Variants in VPS13A observed in about 807,000 individuals in gnomAD.
VPS13A encodes intermembrane lipid transfer protein VPS13A.
A neutral mutation model predicts 390.9 loss-of-function variants in VPS13A; 264 were observed. That is an observed-to-expected ratio of 0.68 (90% confidence interval 0.61 to 0.75). The LOEUF (loss-of-function observed/expected upper bound fraction) is 0.75, where lower values mean the gene tolerates loss of function less well. Ranked by LOEUF, VPS13A falls within the 30% of genes least tolerant of loss-of-function variation. The probability of loss-of-function intolerance (pLI) is 0.00; values close to 1 mark genes in which losing one functional copy is unlikely to be tolerated. For synonymous variants in VPS13A, 1,231 were observed against 1,227.1 expected, an observed-to-expected ratio of 1.00 and a Z score of -0.07; for missense variants, 3,409 against 3,733.9, an observed-to-expected ratio of 0.91 and a Z score of 2.27.
rs199759297 is a variant in VPS13A, at chr9:77,177,670, C to G, written c.-35C>G. 146 of 1,591,746 alleles carry G rather than the reference C, an allele frequency of 9.2e-5. No individual in the cohort carries two copies. In the African/African-American group the frequency reaches 1.4e-3, roughly 16 times the overall value. ...GGAAGGCGGCGGGAGGAGGAGCGCA[C>G]GGGCCGGCTGCCGTGCCCACCACGG... On this transcript the variant is annotated 5_prime_UTR_variant, in exon 1 of 72. Coordinates refer to ENST00000360280, the MANE Select transcript of VPS13A (RefSeq NM_033305.3).
At chr9:77,392,073 C>A (rs900540297) in intron 68 of VPS13A, among the ~76,000 whole-genome samples, 1 of 152,070 alleles carries the variant, frequency 6.6e-6, no homozygotes, top group Non-Finnish European at 1.5e-5. Flanking sequence ...CCTGTAATGT[C>A]GGATCTTCAC....
chr9:77,215,855 G>T (rs1822832244), intron 10 of VPS13A, among the ~76,000 whole-genome samples: 1 of 152,236 alleles, frequency 6.6e-6, no homozygotes, highest in African/African-American at 2.4e-5. Context: ...CTTTTAGGGA[G>T]CCTCATGGAG....
chr9:77,360,480 G>A (rs1052321069), intron 58 of VPS13A, 56 bp from the exon 59 acceptor site: 11 of 1,282,218 alleles, frequency 8.6e-6, no homozygotes, highest in Non-Finnish European at 1.2e-5. Context: ...TCTAATTTTT[G>A]TAATACAGTT....
intron 71 of VPS13A, among the ~76,000 whole-genome samples, chr9:77,412,356 G>A (rs1329239279): frequency 6.6e-6 from 1 of 152,118 alleles, no homozygotes; most frequent in Admixed American, 6.5e-5. Flanking sequence ...TAAATTACTG[G>A]CAAACCGAAT....
chr9:77,381,928 A>T (rs1396825995), intron 67 of VPS13A, 48 bp from the exon 68 acceptor site: 2 of 1,253,414 alleles, frequency 1.6e-6, no homozygotes, highest in South Asian at 2.7e-5. Context: ...GTTTATTTAC[A>T]AGTTTTTGAA....
At position 77,419,768 on chromosome 9, in the gene VPS13A, G is replaced by C. The variant is rs1229082792; in HGVS notation, c.*3762G>C. 6.6e-6 allele frequency: 1 copy of C among 152,070 alleles called. No individual in the cohort carries two copies. Among genetic ancestry groups the C allele is most frequent in the Non-Finnish European group, 1.5e-5 (1 of 68,022 alleles). The allele number at this position is 152,070 out of a possible 1,614,324, so 9.4% of individuals were successfully genotyped here. ...TAAGCATTTTACTATAATAGAACTG[G>C]GGACATACATTGTCCTTTTGAGTCC... On this transcript the variant is annotated 3_prime_UTR_variant, in exon 72 of 72. Transcript: ENST00000360280.
chr9:77,400,873 TTTATAG>T, intron 68 of VPS13A, among the ~76,000 whole-genome samples: 2 of 152,100 alleles, frequency 1.3e-5, no homozygotes, highest in South Asian at 4.2e-4. Flanking sequence ...TTATAGTACT[TTTATAG>T]TTATTTTCTA....
At chr9:77,394,808 T>G (rs1834057238) in intron 68 of VPS13A, among the ~76,000 whole-genome samples, 1 of 152,148 alleles carries the variant, frequency 6.6e-6, no homozygotes, top group Non-Finnish European at 1.5e-5. Context: ...GCTATGGAGG[T>G]GAATTCTTTC....
chr9:77,223,186 A>G (rs1823319886), intron 13 of VPS13A, among the ~76,000 whole-genome samples: 1 of 152,168 alleles, frequency 6.6e-6, no homozygotes, highest in Non-Finnish European at 1.5e-5. Context: ...AGCAAACTTA[A>G]TAAATGTTGT....
At chr9:77,360,508 A>T (rs763656195) in intron 58 of VPS13A, 28 bp from the exon 59 acceptor site, 19 of 1,532,468 alleles carry the variant, frequency 1.2e-5, no homozygotes, top group Admixed American at 1.0e-4. Context: ...GATGATTTTT[A>T]AAAAATGTTT....
chr9:77,197,181 CCT>C (rs1248481063), intron 1 of VPS13A, among the ~76,000 whole-genome samples: 2 of 152,238 alleles, frequency 1.3e-5, no homozygotes, highest in African/African-American at 4.8e-5. Context: ...TGTTTTATGA[CCT>C]CACATATATC....
At chr9:77,270,330 A>C (rs1587463197) in intron 23 of VPS13A, among the ~76,000 whole-genome samples, 1 of 152,346 alleles carries the variant, frequency 6.6e-6, no homozygotes, top group African/African-American at 2.4e-5. Context: ...TTGACATTGA[A>C]GGGAATGTGG....
intron 46 of VPS13A, among the ~76,000 whole-genome samples, chr9:77,334,464 A>G (rs1174009553): frequency 2.0e-5 from 3 of 151,992 alleles, no homozygotes; most frequent in Non-Finnish European, 4.4e-5. Flanking sequence ...TTGACGTTTT[A>G]TATTTCTCTT....
At chr9:77,199,920 G>C in intron 1 of VPS13A, 25 bp from the exon 2 acceptor site, 1 of 1,578,500 alleles carries the variant, frequency 6.3e-7, no homozygotes, top group South Asian at 1.2e-5. Context: ...TTGATTGTTT[G>C]AATCTTTTTT....
intron 28 of VPS13A, 34 bp downstream of exon 28, chr9:77,281,960 CT>C: frequency 1.4e-6 from 2 of 1,407,730 alleles, no homozygotes; most frequent in Non-Finnish European, 2.0e-6. Flanking sequence ...TAATTATGTA[CT>C]ATTTCTTATG....
At chr9:77,347,012 C>A (rs1364371340) in intron 52 of VPS13A, among the ~76,000 whole-genome samples, 1 of 152,142 alleles carries the variant, frequency 6.6e-6, no homozygotes. Flanking sequence ...GGCTTTATTT[C>A]TGGTTTCTCT....
At chr9:77,273,430 T>G in intron 24 of VPS13A, 66 bp downstream of exon 24, 1 of 1,359,878 alleles carries the variant, frequency 7.4e-7, no homozygotes, top group Non-Finnish European at 1.0e-6. Flanking sequence ...TTGAGGCATA[T>G]TTTTCTCAAA....
At chr9:77,374,952 G>A (rs921482131) in intron 67 of VPS13A, among the ~76,000 whole-genome samples, 1 of 152,036 alleles carries the variant, frequency 6.6e-6, no homozygotes, top group African/African-American at 2.4e-5. Context: ...TCTTAAGCCA[G>A]TATTTCATAC....
At chr9:77,346,366 G>GTGTTTT (rs1222532552) in intron 52 of VPS13A, among the ~76,000 whole-genome samples, 7 of 151,860 alleles carry the variant, frequency 4.6e-5, no homozygotes, top group Non-Finnish European at 8.8e-5. Context: ...TGGGATTATT[G>GTGTTTT]TGTTTTTGTT....
Sources: allele counts gnomAD v4.1 joint callset (sites outside exome capture counted in the v4.1 genomes callset), GRCh38; gene constraint gnomAD v4.1.1; transcripts MANE v1.5; gene names NCBI Gene and HGNC (gene_info 2026-07-23, HGNC 2026-07-21).